Variants in LPCAT2 observed in about 807,000 individuals in gnomAD.
LPCAT2 encodes the protein 1-AGP acyltransferase 11.
A neutral mutation model predicts 64.7 loss-of-function variants in LPCAT2; 58 were observed. The observed-to-expected ratio is 0.90, with a 90% CI of 0.73 to 1.12. LPCAT2 has a LOEUF of 1.12. Among genes scored for constraint, LPCAT2 ranks in the 50% most tolerant of loss-of-function variants. LPCAT2 has a pLI of 0.00. For synonymous variants in LPCAT2, 252 were observed against 245.3 expected, an observed-to-expected ratio of 1.03 and a Z score of -0.26; for missense variants, 579 against 669.8, an observed-to-expected ratio of 0.86 and a Z score of 1.50.
rs1484781629 is a variant in LPCAT2 at position 55,567,564 on chromosome 16, G to A, written c.1216-7067G>A. 6 of 1,528,760 alleles carry A rather than the reference G, an allele frequency of 3.9e-6. No homozygotes were observed. The African/African-American group carries it at 8.3e-5, about 21-fold the overall frequency. The allele number at this position is 1,528,760 out of a possible 1,614,324, so 94.7% of individuals were successfully genotyped here. ...ACAGGACTGAAAACCTTGCCAAGCT[G>A]TACACAGTTGCTGATACCCTGTGCA... On this transcript the variant is annotated intron_variant, in intron 11 of 13. Transcript: ENST00000262134.
At chr16:55,523,662 A>C (rs1456913453) in intron 1 of LPCAT2, among the ~76,000 whole-genome samples, 4 of 151,892 alleles carry the variant, frequency 2.6e-5, no homozygotes, top group Non-Finnish European at 5.9e-5. Flanking sequence ...TGATCAAGCC[A>C]GATATAAAAG....
At chr16:55,511,132 A>G (rs940347232) in intron 1 of LPCAT2, among the ~76,000 whole-genome samples, 1 of 152,176 alleles carries the variant, frequency 6.6e-6, no homozygotes, top group East Asian at 1.9e-4. Flanking sequence ...AACTCAAAGG[A>G]GGGCTACAAT....
intron 1 of LPCAT2, 94 bp from the exon 2 acceptor site, chr16:55,525,414 A>G: frequency 9.1e-7 from 1 of 1,099,352 alleles, no homozygotes; most frequent in South Asian, 1.6e-5. Context: ...TGAATGCATG[A>G]ACACCATAAA....
intron 12 of LPCAT2, among the ~76,000 whole-genome samples, chr16:55,576,002 G>C (rs185248577): frequency 1.3e-5 from 2 of 152,050 alleles, no homozygotes; most frequent in Admixed American, 6.6e-5. Context: ...GGGATTGTAC[G>C]TGTAATTATC....
chr16:55,518,326 T>C (rs1431117079), intron 1 of LPCAT2, among the ~76,000 whole-genome samples: 1 of 152,118 alleles, frequency 6.6e-6, no homozygotes, highest in African/African-American at 2.4e-5. Context: ...AAAACTTAAA[T>C]AGTTAAGATA....
At chr16:55,516,671 G>A (rs1963016326) in intron 1 of LPCAT2, among the ~76,000 whole-genome samples, 1 of 152,138 alleles carries the variant, frequency 6.6e-6, no homozygotes, top group African/African-American at 2.4e-5. Context: ...GAATCGAAGG[G>A]TGAAAGATTT....
chr16:55,552,905 A>T (rs1370972407), intron 11 of LPCAT2, among the ~76,000 whole-genome samples: 1 of 152,096 alleles, frequency 6.6e-6, no homozygotes, highest in Non-Finnish European at 1.5e-5. Flanking sequence ...GACAACAATG[A>T]AGTTTGCTGC....
At chr16:55,515,024 C>T (rs1418699535) in intron 1 of LPCAT2, among the ~76,000 whole-genome samples, 1 of 150,966 alleles carries the variant, frequency 6.6e-6, no homozygotes, top group Non-Finnish European at 1.5e-5. Context: ...GTTTGAGGAA[C>T]ATAAAAAAAG....
chr16:55,579,262 C>G lies in LPCAT2; in HGVS notation c.1450+18C>G, dbSNP rs762249940. 5 of 1,608,566 alleles carry G rather than the reference C, an allele frequency of 3.1e-6. No individual in the cohort carries two copies. The South Asian group carries it at 4.4e-5, about 14-fold the overall frequency. The stretch of plus-strand genomic sequence containing the variant: ...TTCCTATGGTGAGTAGGCAATCTGG[C>G]CTCCTGACTTAGTTTACAAGGAGGA... On this transcript the variant is annotated intron_variant, in intron 13 of 13. Transcript: ENST00000262134.
chr16:55,549,236 T>TAA (rs565460933), intron 9 of LPCAT2, 41 bp from the exon 10 acceptor site: 14 of 1,439,936 alleles, frequency 9.7e-6, no homozygotes, highest in East Asian at 7.8e-5. Context: ...ACTTTTTTTT[T>TAA]TAAAAAAAAT....
At chr16:55,526,940 A>T (rs1963179240) in intron 2 of LPCAT2, among the ~76,000 whole-genome samples, 1 of 152,194 alleles carries the variant, frequency 6.6e-6, no homozygotes, top group African/African-American at 2.4e-5. Flanking sequence ...AAGAGTGTTT[A>T]ATGGCTCAGA....
chr16:55,541,099 T>C (rs1963390387), intron 8 of LPCAT2: 1 of 152,146 alleles, frequency 6.6e-6, no homozygotes, highest in African/African-American at 2.4e-5. Flanking sequence ...GAATTTTTCA[T>C]GTAATGTGTT....
intron 7 of LPCAT2, 105 bp downstream of exon 7, chr16:55,534,582 G>A: frequency 3.7e-6 from 2 of 537,948 alleles, no homozygotes; most frequent in Non-Finnish European, 6.4e-6. Flanking sequence ...TAAAAATATT[G>A]TTATATTTAA....
chr16:55,580,568 ATTT>A (rs1452968098), intron 13 of LPCAT2, among the ~76,000 whole-genome samples: 10 of 152,070 alleles, frequency 6.6e-5, no homozygotes, highest in African/African-American at 2.4e-4. Context: ...CAAATCTGCT[ATTT>A]TTTTCAAGAA....
Position 55,567,460 on chromosome 16 carries a change from A to G in LPCAT2, c.1216-7171A>G, listed in dbSNP as rs1963717778. 6 of 1,613,748 alleles carry G rather than the reference A, an allele frequency of 3.7e-6. No individual in the cohort carries two copies. The highest frequency in any genetic ancestry group is 5.1e-6 in the Non-Finnish European group (6 of 1,179,772). ...GATAGAGATAGAGATGGCCTGATTC[A>G]AGTGTCTATCAAAGAATGGCTGCAG... On this transcript the variant is annotated intron_variant, in intron 11 of 13. Transcript: ENST00000262134.
intron 12 of LPCAT2, among the ~76,000 whole-genome samples, chr16:55,575,141 A>G (rs533466981): frequency 4.6e-5 from 7 of 152,288 alleles, no homozygotes; most frequent in Admixed American, 2.0e-4. Context: ...TTTCAGTGGT[A>G]CTTTTTCTAA....
At chr16:55,556,640 G>T (rs200951663) in intron 11 of LPCAT2, among the ~76,000 whole-genome samples, 3 of 152,238 alleles carry the variant, frequency 2.0e-5, no homozygotes, top group East Asian at 1.9e-4. Flanking sequence ...TTAGGTGGGC[G>T]TGGTGGCTGA....
intron 11 of LPCAT2, among the ~76,000 whole-genome samples, chr16:55,559,737 A>C (rs757503131): frequency 2.6e-5 from 4 of 151,252 alleles, no homozygotes; most frequent in Non-Finnish European, 5.9e-5. Flanking sequence ...TGCTATATGA[A>C]GTCTATTCCA....
At chr16:55,521,922 C>A (rs149585051) in intron 1 of LPCAT2, among the ~76,000 whole-genome samples, 2,378 of 151,728 alleles carry the variant, frequency 0.016, 58 homozygotes, top group African/African-American at 0.051. Flanking sequence ...TCTGTTTCCT[C>A]AAAGGTTTGG....
Sources: allele counts gnomAD v4.1 joint callset (sites outside exome capture counted in the v4.1 genomes callset), GRCh38; gene constraint gnomAD v4.1.1; transcripts MANE v1.5; gene names NCBI Gene and HGNC (gene_info 2026-07-23, HGNC 2026-07-21).